The following RANBP2 variants were observed in gnomAD, a reference collection of about 807,000 sequenced individuals.
RANBP2 encodes E3 SUMO-protein ligase RanBP2.
RANBP2 carries 57 observed loss-of-function variants against 303.6 expected under a neutral mutation model. The ratio of observed to expected loss-of-function variants is 0.19; its 90% CI spans 0.15 to 0.23. The LOEUF is 0.23. RANBP2 is among the 10% of genes least tolerant of loss of function. The pLI is 1.00. For missense variants in RANBP2, 3,138 were observed against 3,780.8 expected (o/e 0.83, Z 4.46); for synonymous variants, 1,167 against 1,301.5 (o/e 0.90, Z 2.23).
chr2:108,828,414 G>T, the RANBP2 span, among the ~76,000 whole-genome samples: 1 of 152,236 alleles, frequency 6.6e-6, no homozygotes, highest in East Asian at 1.9e-4. Context: ...ACCATAAAAA[G>T]AACAAAGTTA....
the RANBP2 span, among the ~76,000 whole-genome samples, chr2:109,470,448 G>A: frequency 3.3e-5 from 5 of 152,112 alleles, no homozygotes; most frequent in Non-Finnish European, 5.9e-5. Flanking sequence ...TGCACGTCTG[G>A]GGAGACACCA....
the RANBP2 span, among the ~76,000 whole-genome samples, chr2:109,440,942 G>A: frequency 1.2e-4 from 18 of 152,152 alleles, no homozygotes; most frequent in Non-Finnish European, 1.9e-4. Flanking sequence ...GTTCCCACCA[G>A]CCAGACGGAA....
At chr2:109,156,171 A>G in the RANBP2 span, among the ~76,000 whole-genome samples, 2 of 152,298 alleles carry the variant, frequency 1.3e-5, no homozygotes, top group African/African-American at 4.8e-5. Flanking sequence ...AGCAGTTTGG[A>G]GCTCAGCTTC....
the RANBP2 span, among the ~76,000 whole-genome samples, chr2:109,217,948 C>T: frequency 6.6e-6 from 1 of 152,168 alleles, no homozygotes; most frequent in African/African-American, 2.4e-5. Context: ...AGGACCTTTC[C>T]CTCGAGGGCT....
At chr2:109,766,649 C>G in the RANBP2 span, among the ~76,000 whole-genome samples, 63,615 of 147,704 alleles carry the variant, frequency 0.43, 15,918 homozygotes, top group African/African-American at 0.61. Flanking sequence ...TGGGTCTAAT[C>G]AATGACACTT....
At chr2:109,381,520 G>A in the RANBP2 span, among the ~76,000 whole-genome samples, 2 of 152,050 alleles carry the variant, frequency 1.3e-5, no homozygotes, top group Non-Finnish European at 2.9e-5. Flanking sequence ...CCTCCCTTCA[G>A]CGTGGCCATC....
the RANBP2 span, among the ~76,000 whole-genome samples, chr2:109,085,775 A>AT: frequency 9.4e-5 from 14 of 148,828 alleles, no homozygotes; most frequent in East Asian, 2.0e-4. Context: ...TAATTTTTTT[A>AT]TTTTTTTTTA....
At chr2:109,489,751 CG>C in the RANBP2 span, among the ~76,000 whole-genome samples, 1 of 96,960 alleles carries the variant, frequency 1.0e-5, no homozygotes, top group Admixed American at 1.5e-4. Context: ...GGGGGGTGGG[CG>C]GGGGGGACGG....
chr2:108,961,256 C>CAGGAA, the RANBP2 span, among the ~76,000 whole-genome samples: 1 of 152,226 alleles, frequency 6.6e-6, no homozygotes, highest in African/African-American at 2.4e-5. Context: ...GGAAAGGGAA[C>CAGGAA]AGTTGCCAGT....
chr2:109,002,013 A>G, the RANBP2 span, among the ~76,000 whole-genome samples: 3 of 152,146 alleles, frequency 2.0e-5, no homozygotes, highest in African/African-American at 7.2e-5. Flanking sequence ...TACAGGCATG[A>G]GCCACTGCGC....
the RANBP2 span, among the ~76,000 whole-genome samples, chr2:109,547,519 T>C: frequency 2.0e-5 from 3 of 152,058 alleles, no homozygotes; most frequent in Non-Finnish European, 2.9e-5. Context: ...ATTTAAAGAA[T>C]ACAATTCAGC....
At chr2:108,937,126 G>A in the RANBP2 span, among the ~76,000 whole-genome samples, 1 of 152,248 alleles carries the variant, frequency 6.6e-6, no homozygotes, top group Non-Finnish European at 1.5e-5. Flanking sequence ...AAACAGAAGT[G>A]ACTGGCAACA....
chr2:108,752,047 A>C, intron 12 of RANBP2, 53 bp downstream of exon 12: 3 of 1,604,130 alleles, frequency 1.9e-6, no homozygotes, highest in Non-Finnish European at 2.5e-6. Context: ...ATTTTTTAAA[A>C]TCATGAACTT....
the RANBP2 span, among the ~76,000 whole-genome samples, chr2:109,397,569 A>G: frequency 6.6e-6 from 1 of 152,200 alleles, no homozygotes; most frequent in African/African-American, 2.4e-5. Context: ...CAAGTGGGAA[A>G]CTTCCTCCAG....
At chr2:109,705,701 G>T in the RANBP2 span, among the ~76,000 whole-genome samples, 6 of 152,222 alleles carry the variant, frequency 3.9e-5, no homozygotes, top group African/African-American at 1.4e-4. Context: ...GCCTCAGGCA[G>T]AGCCATTCTG....
the RANBP2 span, among the ~76,000 whole-genome samples, chr2:109,064,922 G>A: frequency 9.2e-5 from 14 of 152,288 alleles, no homozygotes; most frequent in East Asian, 3.9e-4. Flanking sequence ...GAGGGATAGC[G>A]CATGAGCTGG....
At chr2:109,048,046 C>T in the RANBP2 span, among the ~76,000 whole-genome samples, 1 of 152,176 alleles carries the variant, frequency 6.6e-6, no homozygotes, top group South Asian at 2.1e-4. Context: ...ACGCATCATC[C>T]CAATCAGCTG....
the RANBP2 span, among the ~76,000 whole-genome samples, chr2:109,456,162 G>T: frequency 6.6e-6 from 1 of 152,200 alleles, no homozygotes; most frequent in Non-Finnish European, 1.5e-5. Context: ...CATGGGCCAT[G>T]GAAACCACCT....
the RANBP2 span, among the ~76,000 whole-genome samples, chr2:108,859,580 G>A: frequency 6.6e-6 from 1 of 151,714 alleles, no homozygotes; most frequent in Admixed American, 6.6e-5. Context: ...TTTGTATATT[G>A]TGATTTTCTT....
Sources: allele counts gnomAD v4.1 joint callset (sites outside exome capture counted in the v4.1 genomes callset), GRCh38; gene constraint gnomAD v4.1.1; transcripts MANE v1.5; gene names NCBI Gene and HGNC (gene_info 2026-07-23, HGNC 2026-07-21).